Variants in FAAH2 observed in about 807,000 individuals in gnomAD.
FAAH2 encodes fatty-acid amide hydrolase 2.
In FAAH2, 60 loss-of-function variants were observed where a neutral mutation model predicts 36.9. The observed-to-expected ratio is 1.63, with a 90% CI of 1.32 to 2.02. The LOEUF (loss-of-function observed/expected upper bound fraction) is 2.02, where lower values mean the gene tolerates loss of function less well. Ranked by LOEUF, FAAH2 falls within the 30% of genes most tolerant of loss-of-function variation. The pLI, the probability that FAAH2 is intolerant of heterozygous loss-of-function variation, is 0.00. For synonymous variants in FAAH2, 214 were observed against 143.8 expected (o/e 1.49, Z -3.49); for missense variants, 689 against 397.5 (o/e 1.73, Z -6.23).
At chrX:57,381,450 A>G (rs2054846878) in intron 7 of FAAH2, 11 of 416,163 alleles carry the variant, frequency 2.6e-5, no homozygotes, top group Non-Finnish European at 3.3e-5. Context: ...TCTTTTTAAA[A>G]GCAAGAGTTC....
At chrX:57,169,411 T>C in the FAAH2 span, among the ~76,000 whole-genome samples, 41,852 of 89,841 alleles carry the variant, frequency 0.47, 10,732 homozygotes, top group African/African-American at 0.89. Context: ...CCTTCCAAAA[T>C]GACTGCTCCG....
At chrX:57,350,779 A>T (rs189797969) in intron 5 of FAAH2, among the ~76,000 whole-genome samples, 1 of 111,460 alleles carries the variant, frequency 9.0e-6, no homozygotes, top group Non-Finnish European at 1.9e-5. Context: ...AAAGAAATCA[A>T]TTCAGCAAGA....
At chrX:57,342,981 T>C (rs909570667) in intron 5 of FAAH2, among the ~76,000 whole-genome samples, 3 of 112,007 alleles carry the variant, frequency 2.7e-5, no homozygotes, top group African/African-American at 9.7e-5. Context: ...CTGCATAGTA[T>C]TTCATGGTGT....
chrX:57,467,530 C>T (rs939073034), intron 10 of FAAH2, among the ~76,000 whole-genome samples: 5 of 111,686 alleles, frequency 4.5e-5, no homozygotes, highest in Non-Finnish European at 7.5e-5. Flanking sequence ...GATCAAACTG[C>T]AAGGTGACAG....
the FAAH2 span, among the ~76,000 whole-genome samples, chrX:57,191,426 C>T: frequency 9.0e-6 from 1 of 111,418 alleles, no homozygotes; most frequent in South Asian, 3.7e-4. Context: ...ATATTTTCCA[C>T]CACTCTCAGG....
chrX:57,427,546 G>A (rs1433495279), intron 7 of FAAH2, among the ~76,000 whole-genome samples: 1 of 111,238 alleles, frequency 9.0e-6, no homozygotes, highest in Non-Finnish European at 1.9e-5. Context: ...ACATCAAAAG[G>A]ATAATACATC....
the FAAH2 span, among the ~76,000 whole-genome samples, chrX:57,216,414 A>G: frequency 3.3e-4 from 33 of 101,412 alleles, no homozygotes; most frequent in African/African-American, 1.1e-3. Context: ...TTAGAATTAT[A>G]GTCTCCAATC....
chrX:57,297,432 C>T (rs1305899741), intron 2 of FAAH2, among the ~76,000 whole-genome samples: 3 of 110,024 alleles, frequency 2.7e-5, no homozygotes, highest in African/African-American at 9.9e-5. Context: ...CAGGCCTGCC[C>T]TGAAAGAGCT....
At position 57,288,338 on chromosome X, in the gene FAAH2, C is replaced by CTT. The variant is rs771871081; in HGVS notation, c.192+1349_192+1350dup. Among the ~76,000 whole-genome samples, 60 of 40,345 alleles carry CTT rather than the reference C, an allele frequency of 1.5e-3. 1 individual carries two copies. The highest frequency in any genetic ancestry group is 3.6e-3 in the South Asian group (2 of 548). 35.0% of individuals were successfully genotyped at this position (40,345 alleles called of 115,157 possible). ...TAGCTCTGTGATCTTAAAAACATTT[C>CTT]TTTTTTTTTTTTTTTTTTTTTTTTT... On this transcript the variant is annotated intron_variant, in intron 1 of 10. Transcript: ENST00000374900.
chrX:57,320,150 A>G (rs1442755236), intron 3 of FAAH2, among the ~76,000 whole-genome samples: 2 of 112,177 alleles, frequency 1.8e-5, no homozygotes, highest in Non-Finnish European at 3.8e-5. Context: ...AATGGCAACA[A>G]AAGCCAACAT....
intron 4 of FAAH2, among the ~76,000 whole-genome samples, chrX:57,334,268 T>TCACACACACACACA (rs60873866): frequency 0.053 from 4,533 of 85,628 alleles, 112 homozygotes; most frequent in Non-Finnish European, 0.057. Context: ...AGATTCCGTC[T>TCACACACACACACA]CACACACACA....
chrX:57,226,152 G>A, the FAAH2 span, among the ~76,000 whole-genome samples: 2 of 112,249 alleles, frequency 1.8e-5, no homozygotes, highest in East Asian at 2.8e-4. Flanking sequence ...GTATTGAAAT[G>A]TGAGGTACTC....
intron 7 of FAAH2, among the ~76,000 whole-genome samples, chrX:57,397,148 C>G (rs781745981): frequency 1.1e-4 from 12 of 111,574 alleles, no homozygotes; most frequent in African/African-American, 3.9e-4. Flanking sequence ...CCCCCTTTTG[C>G]TTTTTGTCTG....
chrX:57,482,592 G>A (rs1344575553), intron 10 of FAAH2, among the ~76,000 whole-genome samples: 2 of 109,474 alleles, frequency 1.8e-5, no homozygotes, highest in South Asian at 4.1e-4. Flanking sequence ...CAGTCCCTAC[G>A]AGATGAACTG....
upstream of FAAH2, among the ~76,000 whole-genome samples, chrX:57,285,007 T>G (rs2051790355): frequency 8.9e-6 from 1 of 112,288 alleles, no homozygotes; most frequent in African/African-American, 3.2e-5. Flanking sequence ...GTAACAAAAG[T>G]TGGGCAAAGT....
intron 10 of FAAH2, among the ~76,000 whole-genome samples, chrX:57,457,099 A>G (rs913825612): frequency 8.9e-6 from 1 of 112,073 alleles, no homozygotes; most frequent in Admixed American, 9.4e-5. Context: ...AGTTAATCCA[A>G]CACAGTCATG....
intron 7 of FAAH2, among the ~76,000 whole-genome samples, chrX:57,395,965 T>C (rs1354794813): frequency 1.8e-5 from 2 of 112,150 alleles, no homozygotes; most frequent in African/African-American, 6.5e-5. Flanking sequence ...TGTGAATCAA[T>C]CTGGTCCTGG....
the FAAH2 span, among the ~76,000 whole-genome samples, chrX:57,260,600 G>T: frequency 9.0e-6 from 1 of 111,683 alleles, no homozygotes; most frequent in African/African-American, 3.3e-5. Flanking sequence ...AAAACACAGT[G>T]ATGTAAATGA....
At chrX:57,479,506 G>C (rs1051433347) in intron 10 of FAAH2, among the ~76,000 whole-genome samples, 1 of 110,976 alleles carries the variant, frequency 9.0e-6, no homozygotes, top group Admixed American at 9.6e-5. Context: ...AATTTCCCTG[G>C]CCAGAACTTC....
Sources: allele counts gnomAD v4.1 joint callset (sites outside exome capture counted in the v4.1 genomes callset), GRCh38; gene constraint gnomAD v4.1.1; transcripts MANE v1.5; gene names NCBI Gene and HGNC (gene_info 2026-07-23, HGNC 2026-07-21).